LRRC75B: variants seen among roughly 807,000 people sequenced by gnomAD.
LRRC75B encodes leucine rich repeat containing 75B.
LRRC75B carries 20 observed loss-of-function variants against 16.5 expected under a neutral mutation model. The ratio of observed to expected loss-of-function variants is 1.21; its 90% CI spans 0.85 to 1.76. The LOEUF is 1.76. LRRC75B is among the 40% of genes most tolerant of loss of function. The pLI, the probability that LRRC75B is intolerant of heterozygous loss-of-function variation, is 0.00. For missense variants in LRRC75B, 406 were observed against 417.0 expected (o/e 0.97, Z 0.23); for synonymous variants, 199 against 198.1 (o/e 1.00, Z -0.04).
chr22:24,586,607 C>T (rs756611750), intron 3 of LRRC75B, among the ~76,000 whole-genome samples, 196 bp from the exon 4 acceptor site: 6 of 152,268 alleles, frequency 3.9e-5, no homozygotes, highest in Non-Finnish European at 7.3e-5. Context: ...TCTCGGCTTA[C>T]GGCAACCTCT....
In LRRC75B at chr22:24,586,419, A is replaced by C; in HGVS notation, c.423-8T>G. ...TGGAGGCTGCTCTTGAGGCTATGGGAGAGTGGCAGGTGGGGATGGACTAGG... is the reference window on the plus strand; with the variant it reads ...TGGAGGCTGCTCTTGAGGCTATGGGCGAGTGGCAGGTGGGGATGGACTAGG... On this transcript the variant is annotated splice_polypyrimidine_tract_variant and splice_region_variant and intron_variant, in intron 3 of 3. Coordinates refer to ENST00000318753, the MANE Select transcript of LRRC75B (RefSeq NM_207644.3). The C allele has an allele frequency of 6.2e-7, 1 of 1,603,532 alleles. No individual in the cohort carries two copies. The highest frequency in any genetic ancestry group is 1.1e-5 in the South Asian group (1 of 89,900).
At chr22:24,589,513 A>G (rs975782503) in intron 2 of LRRC75B, 35 of 482,192 alleles carry the variant, frequency 7.3e-5, no homozygotes, top group Non-Finnish European at 1.0e-4. Context: ...CAGGGTCCCC[A>G]TATGACTTCT....
intron 3 of LRRC75B, among the ~76,000 whole-genome samples, 195 bp from the exon 4 acceptor site, chr22:24,586,606 A>ACGGCAACCTCTGCCTCC (rs1401949239): frequency 6.6e-6 from 1 of 152,248 alleles, no homozygotes; most frequent in Non-Finnish European, 1.5e-5. Flanking sequence ...ATCTCGGCTT[A>ACGGCAACCTCTGCCTCC]CGGCAACCTC....
chr22:24,589,522 C>T, intron 2 of LRRC75B: 1 of 464,820 alleles, frequency 2.2e-6, no homozygotes, highest in Non-Finnish European at 3.3e-6. Flanking sequence ...CATATGACTT[C>T]TGCCCAGCTA....
intron 3 of LRRC75B, among the ~76,000 whole-genome samples, chr22:24,586,680 T>C (rs1053667253): frequency 2.6e-5 from 4 of 152,370 alleles, no homozygotes; most frequent in East Asian, 1.9e-4. Context: ...TAAAGGCATG[T>C]GCCACCACGC....
In LRRC75B at chr22:24,588,875, T is replaced by C. The variant is rs557554428; in HGVS notation, c.307-546A>G. On this transcript the variant is annotated intron_variant, in intron 2 of 3. Transcript: ENST00000318753. ...TTTACAGCACCACCACCTGGCTCTCTCTCAGTCCTAACTGGGCTCCGGCAG... is the reference window on the plus strand; with the variant it reads ...TTTACAGCACCACCACCTGGCTCTCCCTCAGTCCTAACTGGGCTCCGGCAG... The C allele has an allele frequency of 2.0e-5, 20 of 1,006,834 alleles. No individual in the cohort carries two copies. The African/African-American group carries it at 2.2e-4, about 11-fold the overall frequency. 62.4% of individuals were successfully genotyped at this position (1,006,834 alleles called of 1,614,324 possible).
chr22:24,588,437 C>T, intron 2 of LRRC75B, 108 bp from the exon 3 acceptor site: 3 of 853,204 alleles, frequency 3.5e-6, no homozygotes, highest in South Asian at 3.1e-5. Flanking sequence ...CACAGTCATG[C>T]ACCATGCATC....
At chr22:24,589,189 C>T (rs1281237421) in intron 2 of LRRC75B, 2 of 1,197,678 alleles carry the variant, frequency 1.7e-6, no homozygotes, top group African/African-American at 1.6e-5. Context: ...TGGCTGGTCA[C>T]AGCCACACAT....
Position 24,592,906 on chromosome 22 carries a change from C to G in LRRC75B, c.134G>C (p.Arg45Pro), listed in dbSNP as rs1489991307. The change falls in exon 1 of 4, where the codon CGG (arginine) becomes CCG (proline). Residue 45 changes from arginine to proline, a missense_variant. Arg to Pro is a moderately radical substitution (Grantham distance 103). Coordinates refer to ENST00000318753, the MANE Select transcript of LRRC75B (RefSeq NM_207644.3). Reference protein sequence around the residue: ...LREIQSTLRERRPERARQLLR... With the variant: ...LREIQSTLREPRPERARQLLR... Reference sequence around the variant, plus strand: ...CAGCTGCCGGGCGCGCTCCGGCCGCCGCTCGCGGAGCGTGGACTGGATCTC... The same window carrying G: ...CAGCTGCCGGGCGCGCTCCGGCCGCGGCTCGCGGAGCGTGGACTGGATCTC... 7.8e-7 allele frequency: 1 copy of G among 1,278,610 alleles called. No individual in the cohort carries two copies. 79.2% of individuals were successfully genotyped at this position (1,278,610 alleles called of 1,614,324 possible).
Position 24,585,709 on chromosome 22 carries a change from C to G in LRRC75B, c.*177G>C. The G allele has an allele frequency of 2.8e-6, 2 of 722,704 alleles. No individual in the cohort carries two copies. Among genetic ancestry groups the G allele is most frequent in the Non-Finnish European group, 4.4e-6 (2 of 451,582 alleles). 44.8% of individuals were successfully genotyped at this position (722,704 alleles called of 1,614,324 possible). A position where few individuals can be genotyped will look rare whatever the true frequency, so the allele number is the denominator to read the frequency against. On this transcript the variant is annotated 3_prime_UTR_variant, in exon 4 of 4. Coordinates refer to ENST00000318753, the MANE Select transcript of LRRC75B (RefSeq NM_207644.3). ...CTCCCACTGAGGGAAGGCTGAGCCT[C>G]TAGCCAGGGCTGGCCACCTGGCCAC...
rs899694906 is a variant in LRRC75B at position 24,588,210 on chromosome 22, T to G, written c.422+4A>C. ...AGGAGGGGCAGTGGCTGGGCTACCC[T>G]TACCAGCTCTGGGTCTTCCTCTGGC... On this transcript the variant is annotated splice_donor_region_variant and intron_variant, in intron 3 of 3. Coordinates refer to ENST00000318753, the MANE Select transcript of LRRC75B (RefSeq NM_207644.3). 2.5e-6 allele frequency: 4 copies of G among 1,609,618 alleles called. No homozygotes were observed. In the African/African-American group the frequency reaches 4.0e-5, roughly 16 times the overall value.
At position 24,585,735 on chromosome 22, in the gene LRRC75B, C is replaced by A. The variant is rs752329499; in HGVS notation, c.*151G>T. On this transcript the variant is annotated 3_prime_UTR_variant, in exon 4 of 4. Transcript: ENST00000318753. ...TAGCCAGGGCTGGCCACCTGGCCAC[C>A]TATGAGTCCATTCTTCTGTCCCCTT... 28 of 940,516 alleles carry A rather than the reference C, an allele frequency of 3.0e-5. No individual in the cohort carries two copies. Among genetic ancestry groups the A allele is most frequent in the Non-Finnish European group, 4.3e-5 (28 of 648,690 alleles). 58.3% of individuals were successfully genotyped at this position (940,516 alleles called of 1,614,324 possible). A position where few individuals can be genotyped will look rare whatever the true frequency, so the allele number is the denominator to read the frequency against.
At chr22:24,587,456 C>A (rs1275611114) in intron 3 of LRRC75B, among the ~76,000 whole-genome samples, 1 of 152,226 alleles carries the variant, frequency 6.6e-6, no homozygotes, top group Non-Finnish European at 1.5e-5. Context: ...CCCCACCAGC[C>A]ATGGCAGGGA....
chr22:24,586,907 G>C (rs1406511859), intron 3 of LRRC75B, among the ~76,000 whole-genome samples: 1 of 152,234 alleles, frequency 6.6e-6, no homozygotes, highest in African/African-American at 2.4e-5. Context: ...AAAATGGGAC[G>C]TGGTTGTTGT....
intron 2 of LRRC75B, chr22:24,588,554 C>T: frequency 1.3e-6 from 1 of 778,384 alleles, no homozygotes; most frequent in Non-Finnish European, 1.9e-6. Flanking sequence ...CTGGTCCAGT[C>T]CCGCAGTGCC....
chr22:24,587,306 CAGTT>C (rs1435611909), intron 3 of LRRC75B, among the ~76,000 whole-genome samples: 2 of 152,156 alleles, frequency 1.3e-5, no homozygotes, highest in Non-Finnish European at 2.9e-5. Flanking sequence ...CGTGTTTTCT[CAGTT>C]AGAAGGGAAG....
intron 1 of LRRC75B, 179 bp downstream of exon 1, chr22:24,592,684 G>A (rs1404769985): frequency 8.6e-7 from 1 of 1,159,020 alleles, no homozygotes; most frequent in African/African-American, 1.6e-5. Flanking sequence ...GCCCACGCAA[G>A]ACCCCGCGTG....
chr22:24,592,724 C>T lies in LRRC75B; in HGVS notation c.177+139G>A, dbSNP rs543547070. On this transcript the variant is annotated intron_variant, in intron 1 of 3. Coordinates refer to ENST00000318753, the MANE Select transcript of LRRC75B (RefSeq NM_207644.3). Reference sequence around the variant, plus strand: ...AGCCTGTCGCGCCCTCGGAACCCGCCTGCGCGCGCCAGAGACCAGCTCCGC... The same window carrying T: ...AGCCTGTCGCGCCCTCGGAACCCGCTTGCGCGCGCCAGAGACCAGCTCCGC... 1.9e-4 allele frequency: 242 copies of T among 1,300,234 alleles called. No individual in the cohort carries two copies. The African/African-American group carries it at 3.5e-3, about 19-fold the overall frequency. The allele number at this position is 1,300,234 out of a possible 1,614,324, so 80.5% of individuals were successfully genotyped here. A position where few individuals can be genotyped will look rare whatever the true frequency, so the allele number is the denominator to read the frequency against.
rs1458600349 is a variant in LRRC75B, at chr22:24,589,874, TGGGGTCGACCG to T, written c.242_252del (p.Pro81HisfsTer4). On this transcript the variant is annotated frameshift_variant, in exon 2 of 4. Coordinates refer to ENST00000318753, the MANE Select transcript of LRRC75B (RefSeq NM_207644.3). LOFTEE classifies it high-confidence loss of function. Reference sequence around the variant, plus strand: ...AGGTTCACAAGCAGGTCATGGGAGATGGGGTCGACCGGGTTGAGGAAGGCCACATCTCTGTA... The same window carrying T: ...AGGTTCACAAGCAGGTCATGGGAGATGGTTGAGGAAGGCCACATCTCTGTA... 1 of 1,613,778 alleles carries T rather than the reference TGGGGTCGACCG, an allele frequency of 6.2e-7. No homozygotes were observed. Among genetic ancestry groups the T allele is most frequent in the African/African-American group, 1.3e-5 (1 of 74,914 alleles).
Sources: gnomAD v4.1 joint callset for allele counts (sites outside exome capture counted in the v4.1 genomes callset) on GRCh38, gnomAD v4.1.1 for gene constraint, MANE v1.5 for transcripts, NCBI Gene and HGNC (gene_info 2026-07-23, HGNC 2026-07-21) for gene names.